ADCY3: variants seen among roughly 807,000 people sequenced by gnomAD.
ADCY3 encodes adenylate cyclase type 3.
Under a neutral mutation model 119.4 loss-of-function variants are expected in ADCY3, and 70 were observed. That is an observed-to-expected ratio of 0.59 (90% CI 0.48 to 0.72). The LOEUF (loss-of-function observed/expected upper bound fraction) is 0.72. Ranked by LOEUF, ADCY3 falls within the 30% of genes least tolerant of loss-of-function variation. The pLI, the probability that ADCY3 is intolerant of heterozygous loss-of-function variation, is 0.00. For missense variants in ADCY3, 1,238 were observed against 1,541.6 expected (o/e 0.80, Z 3.30); for synonymous variants, 672 against 621.4 (o/e 1.08, Z -1.21).
In ADCY3 at chr2:24,885,505, C is replaced by T. The variant is rs571995015; in HGVS notation, c.676-12786G>A. Among the ~76,000 whole-genome samples, 7 of 152,306 alleles carry T rather than the reference C, an allele frequency of 4.6e-5. No individual in the cohort carries two copies. In the East Asian group the frequency reaches 9.6e-4, roughly 21 times the overall value. ...AACATTGGCTGAACGCCTGAACCAG[C>T]GCCAGCCTGCTCTCTCTCACTGAGC... On this transcript the variant is annotated intron_variant, in intron 2 of 21. Transcript: ENST00000679454.
In ADCY3 at chr2:24,918,531, A is replaced by C. The variant is rs771509911; in HGVS notation, c.457T>G (p.Ser153Ala). 1 of 1,613,852 alleles carries C rather than the reference A, an allele frequency of 6.2e-7. No homozygotes were observed. Among genetic ancestry groups the C allele is most frequent in the African/African-American group, 1.3e-5 (1 of 74,936 alleles). Residue 153 changes from serine to alanine, a missense_variant, in exon 2 of 22, where the codon TCC (serine) becomes GCC (alanine). Physicochemically the swap from Ser to Ala is moderately conservative, Grantham distance 99 (BLOSUM62 1). Around this residue, in one of 7 missense-constraint regions of ADCY3, gnomAD observed 227 missense variants for 249.3 expected, o/e 0.91. Transcript: ENST00000679454. The surrounding 1 kb of genome is among the most constrained non-coding windows in gnomAD (Gnocchi z 5.4). ...CGCGCGAAGTTCAGGCCCAGGTAGG[A>C]GAAGATCTGGGCGGTTATGAGCAGC... ...LWLLITAQIFSYLGLNFARAH... is the reference protein window; with the variant it reads ...LWLLITAQIFAYLGLNFARAH...
chr2:24,882,225 A>T (rs1676486277), intron 2 of ADCY3, among the ~76,000 whole-genome samples: 1 of 151,960 alleles, frequency 6.6e-6, no homozygotes, highest in African/African-American at 2.4e-5. Flanking sequence ...GTAGATGGTC[A>T]AAACCAGAGA....
intron 2 of ADCY3, among the ~76,000 whole-genome samples, chr2:24,876,087 A>G (rs909878349): frequency 2.6e-5 from 4 of 152,022 alleles, no homozygotes; most frequent in Non-Finnish European, 5.9e-5. Context: ...CAAACTCCTG[A>G]GCTCAAGCGA....
intron 2 of ADCY3, among the ~76,000 whole-genome samples, chr2:24,916,433 C>T (rs937870278): frequency 6.6e-6 from 1 of 152,202 alleles, no homozygotes; most frequent in African/African-American, 2.4e-5. Flanking sequence ...CCTGTAATCC[C>T]AGCACTTTGG....
intron 3 of ADCY3, among the ~76,000 whole-genome samples, chr2:24,847,789 C>T (rs1236013991): frequency 6.6e-6 from 1 of 152,260 alleles, no homozygotes; most frequent in Non-Finnish European, 1.5e-5. Context: ...GCCCCACCAG[C>T]TCTTGAGGGC....
chr2:24,841,109 C>T lies in ADCY3; in HGVS notation c.1196+150G>A, dbSNP rs1670949287. ...CCAGCTTCTAGAGCGGGAGCCTGCG[C>T]CACCCATCAACCAGTGCTGTGTCCC... On this transcript the variant is annotated intron_variant, in intron 6 of 21. Transcript: ENST00000679454. The surrounding 1 kb of genome is among the most constrained non-coding windows in gnomAD (Gnocchi z 5.8). 2 of 927,894 alleles carry T rather than the reference C, an allele frequency of 2.2e-6. No individual in the cohort carries two copies. Among genetic ancestry groups the T allele is most frequent in the Non-Finnish European group, 1.5e-6 (1 of 651,786 alleles). The allele number at this position is 927,894 out of a possible 1,614,324, so 57.5% of individuals were successfully genotyped here. A position where few individuals can be genotyped will look rare whatever the true frequency, so the allele number is the denominator to read the frequency against.
At chr2:24,907,719 G>A (rs1483165909) in intron 2 of ADCY3, among the ~76,000 whole-genome samples, 1 of 152,212 alleles carries the variant, frequency 6.6e-6, no homozygotes, top group Admixed American at 6.5e-5. Flanking sequence ...ACAAGACTGG[G>A]CGCAGTAGCT....
In ADCY3 at chr2:24,900,172, G is replaced by A. The variant is rs187803079; in HGVS notation, c.675+18141C>T. ...GTCACCCAGGCTGGAGTGCAGTGGC[G>A]AAATCTCGACTCACTGCAACCTCCG... On this transcript the variant is annotated intron_variant, in intron 2 of 21. Coordinates refer to ENST00000679454, the MANE Select transcript of ADCY3 (RefSeq NM_004036.5). Among the ~76,000 whole-genome samples the A allele has an allele frequency of 3.7e-4, 51 of 138,348 alleles. No individual in the cohort carries two copies. In the East Asian group the frequency reaches 1.0e-2, roughly 27 times the overall value. The allele number at this position is 138,348 out of a possible 152,430, so 90.8% of individuals were successfully genotyped here.
chr2:24,821,733 C>T, intron 19 of ADCY3, 93 bp from the exon 20 acceptor site: 1 of 1,528,102 alleles, frequency 6.5e-7, no homozygotes, highest in Non-Finnish European at 8.8e-7. Flanking sequence ...GGGGTGGATT[C>T]CCTACACCTA....
At chr2:24,829,345 C>T (rs1359675151) in intron 13 of ADCY3, among the ~76,000 whole-genome samples, 1 of 150,840 alleles carries the variant, frequency 6.6e-6, no homozygotes, top group African/African-American at 2.4e-5. Context: ...TAGCTGCAGC[C>T]CTGGAGCTTT....
Position 24,898,638 on chromosome 2 carries a change from T to C in ADCY3, c.675+19675A>G, listed in dbSNP as rs1224889946. 6.6e-6 allele frequency among the ~76,000 whole-genome samples: 1 copy of C among 152,128 alleles called. No homozygotes were observed. Among genetic ancestry groups the C allele is most frequent in the Non-Finnish European group, 1.5e-5 (1 of 68,004 alleles). On this transcript the variant is annotated intron_variant, in intron 2 of 21. Transcript: ENST00000679454. This position sits in a 1 kb window ranked among gnomAD's most constrained non-coding sequence, Gnocchi z 4.3. ...GGAAAGGAGCCCTCCCATTTCCGCC[T>C]CTGACTTCCTTTCCACAAAGCAAAG... is the stretch of plus-strand genomic sequence containing the variant.
At chr2:24,829,905 C>T (rs1669228604) in intron 13 of ADCY3, among the ~76,000 whole-genome samples, 1 of 151,458 alleles carries the variant, frequency 6.6e-6, no homozygotes, top group Non-Finnish European at 1.5e-5. Flanking sequence ...ATCTGGGCTC[C>T]CAACTCCTGT....
intron 3 of ADCY3, among the ~76,000 whole-genome samples, chr2:24,870,157 TA>T (rs35100474): frequency 1.2e-3 from 165 of 140,856 alleles, no homozygotes; most frequent in Middle Eastern, 7.1e-3. Context: ...ACTAAAAATA[TA>T]AAAAAAAAAA....
At position 24,830,845 on chromosome 2, in the gene ADCY3, A is replaced by C; in HGVS notation, c.2056-20T>G. 115 of 1,587,898 alleles carry C rather than the reference A, an allele frequency of 7.2e-5. No homozygotes were observed. The highest frequency in any genetic ancestry group is 9.0e-5 in the Non-Finnish European group (104 of 1,156,926). On this transcript the variant is annotated intron_variant, in intron 12 of 21. Coordinates refer to ENST00000679454, the MANE Select transcript of ADCY3 (RefSeq NM_004036.5). ...AAAGGCCTAGAAGGAACAGAATTTCAAGGGCCATGAGCCTTTGCCAGTCCT... is the reference window on the plus strand; with the variant it reads ...AAAGGCCTAGAAGGAACAGAATTTCCAGGGCCATGAGCCTTTGCCAGTCCT...
intron 3 of ADCY3, among the ~76,000 whole-genome samples, chr2:24,859,708 G>A (rs374700798): frequency 4.0e-4 from 61 of 152,336 alleles, no homozygotes; most frequent in African/African-American, 1.5e-3. Context: ...GTTCTTCCCT[G>A]TAAGACCGGC....
chr2:24,869,259 A>G (rs954029143), intron 3 of ADCY3, among the ~76,000 whole-genome samples: 4 of 152,170 alleles, frequency 2.6e-5, no homozygotes, highest in African/African-American at 7.2e-5. Flanking sequence ...TTGAATGGAC[A>G]TGTTTCTGGG....
Position 24,842,493 on chromosome 2 carries a change from A to T in ADCY3, c.826-109T>A. The T allele has an allele frequency of 7.1e-7, 1 of 1,398,940 alleles. No individual in the cohort carries two copies. The highest frequency in any genetic ancestry group is 9.8e-7 in the Non-Finnish European group (1 of 1,022,266). 86.7% of individuals were successfully genotyped at this position (1,398,940 alleles called of 1,614,324 possible). A position where few individuals can be genotyped will look rare whatever the true frequency, so the allele number is the denominator to read the frequency against. On this transcript the variant is annotated intron_variant, in intron 3 of 21. Coordinates refer to ENST00000679454, the MANE Select transcript of ADCY3 (RefSeq NM_004036.5). This position sits in a 1 kb window ranked among gnomAD's most constrained non-coding sequence, Gnocchi z 4.9. ...TCCTGGCAAGAAACGTGAGCAGGGA[A>T]CCATGCTGCCCTCCAGAGAGACCTC...
intron 3 of ADCY3, among the ~76,000 whole-genome samples, chr2:24,863,202 TA>T (rs952673767): frequency 6.6e-6 from 1 of 152,162 alleles, no homozygotes; most frequent in African/African-American, 2.4e-5. Context: ...CAAAGGAGTT[TA>T]ACATTTGAGT....
chr2:24,840,215 C>T (rs1010247823), intron 6 of ADCY3, among the ~76,000 whole-genome samples, 184 bp from the exon 7 acceptor site: 1 of 152,244 alleles, frequency 6.6e-6, no homozygotes, highest in African/African-American at 2.4e-5. Flanking sequence ...CAGAGTCAGG[C>T]ATCACAGGCC....
Sources: allele counts gnomAD v4.1 joint callset (sites outside exome capture counted in the v4.1 genomes callset), GRCh38; gene constraint gnomAD v4.1.1; regional missense constraint gnomAD v4.1.1; non-coding constraint Gnocchi (gnomAD v3.1); transcripts MANE v1.5; gene names NCBI Gene and HGNC (gene_info 2026-07-23, HGNC 2026-07-21).